TRIM6: variants seen among roughly 807,000 people sequenced by gnomAD.
The protein encoded by TRIM6 is tripartite motif-containing protein 6.
TRIM6 carries 43 observed loss-of-function variants against 51.2 expected under a neutral mutation model. The ratio of observed to expected loss-of-function variants is 0.84; its 90% CI spans 0.66 to 1.08. The LOEUF is 1.08. TRIM6 is among the 50% of genes least tolerant of loss of function. The pLI is 0.00. For synonymous variants in TRIM6, 215 were observed against 232.4 expected, an observed-to-expected ratio of 0.93 and a Z score of 0.68; for missense variants, 669 against 619.0, an observed-to-expected ratio of 1.08 and a Z score of -0.86.
intron 2 of TRIM6, 129 bp from the exon 3 acceptor site, chr11:5,604,405 C>T: frequency 1.0e-6 from 1 of 1,003,164 alleles, no homozygotes; most frequent in Non-Finnish European, 1.4e-6. Context: ...TTGGCCCTCT[C>T]AAGTTTTCAT....
intron 7 of TRIM6, 54 bp from the exon 8 acceptor site, chr11:5,610,723 T>G: frequency 6.3e-7 from 1 of 1,591,008 alleles, no homozygotes; most frequent in Non-Finnish European, 8.6e-7. Flanking sequence ...CTTCTCAGCA[T>G]AACGAGACCC....
chr11:5,601,575 T>C (rs370613548), intron 1 of TRIM6, among the ~76,000 whole-genome samples: 180 of 152,098 alleles, frequency 1.2e-3, no homozygotes, highest in African/African-American at 3.8e-3. Flanking sequence ...CTGGCCAACA[T>C]GGTAAAACCC....
chr11:5,596,991 C>T (rs931882668), intron 1 of TRIM6, 77 bp downstream of exon 1: 2 of 1,605,752 alleles, frequency 1.2e-6, no homozygotes, highest in Non-Finnish European at 1.7e-6. Context: ...GAGATAAGGT[C>T]CTTTCCCTTT....
At chr11:5,598,903 A>G (rs1183628397) in intron 1 of TRIM6, among the ~76,000 whole-genome samples, 1 of 152,160 alleles carries the variant, frequency 6.6e-6, no homozygotes, top group Non-Finnish European at 1.5e-5. Flanking sequence ...ATCATGATAC[A>G]TAAAGGGCAT....
chr11:5,602,646 T>G (rs935257882), intron 1 of TRIM6, among the ~76,000 whole-genome samples: 4 of 151,646 alleles, frequency 2.6e-5, no homozygotes, highest in African/African-American at 9.7e-5. Context: ...TGAGGATATG[T>G]TTTGGGTGAG....
At chr11:5,608,882 A>C in intron 5 of TRIM6, among the ~76,000 whole-genome samples, 1 of 116,134 alleles carries the variant, frequency 8.6e-6, no homozygotes, top group East Asian at 2.5e-4. Context: ...ACAGAGTTTC[A>C]CTCTGTCGCC....
rs915442518 is a variant in TRIM6, at chr11:5,612,075, C to A, written c.*733C>A. The stretch of plus-strand genomic sequence containing the variant: ...TACATTGATTTACTTCAATTTGTTA[C>A]CACAACTTGCTGAAATACACCATTA... On this transcript the variant is annotated 3_prime_UTR_variant, in exon 8 of 8. Transcript: ENST00000380097. 1 of 152,188 alleles carries A rather than the reference C, an allele frequency of 6.6e-6. No individual in the cohort carries two copies. Among genetic ancestry groups the A allele is most frequent in the Admixed American group, 6.5e-5 (1 of 15,286 alleles). 9.4% of individuals were successfully genotyped at this position (152,188 alleles called of 1,614,324 possible). A position where few individuals can be genotyped will look rare whatever the true frequency, so the allele number is the denominator to read the frequency against.
intron 1 of TRIM6, among the ~76,000 whole-genome samples, chr11:5,598,464 G>C (rs1312939065): frequency 1.3e-5 from 2 of 151,962 alleles, no homozygotes. Flanking sequence ...ACTAGAAATA[G>C]AATGAAGCCA....
At position 5,596,746 on chromosome 11, in the gene TRIM6, G is replaced by T. The variant is rs1339925432; in HGVS notation, c.-152G>T. ...TCCCCTGCCTTTCTCGGAACGGAAC[G>T]GAGCAGAGTCGTGCGTGGTTGAGTT... On this transcript the variant is annotated 5_prime_UTR_variant, in exon 1 of 8. Transcript: ENST00000380097. 8.3e-7 allele frequency: 1 copy of T among 1,211,876 alleles called. No homozygotes were observed. The highest frequency in any genetic ancestry group is 2.0e-5 in the Admixed American group (1 of 50,962). 75.1% of individuals were successfully genotyped at this position (1,211,876 alleles called of 1,614,324 possible). A position where few individuals can be genotyped will look rare whatever the true frequency, so the allele number is the denominator to read the frequency against.
intron 4 of TRIM6, among the ~76,000 whole-genome samples, chr11:5,605,833 A>G (rs1848172174): frequency 6.6e-6 from 1 of 152,200 alleles, no homozygotes; most frequent in Non-Finnish European, 1.5e-5. Context: ...GTTCTGTTGT[A>G]TCCAGTGATG....
At chr11:5,607,304 C>T (rs576059940) in intron 4 of TRIM6, among the ~76,000 whole-genome samples, 1 of 152,256 alleles carries the variant, frequency 6.6e-6, no homozygotes, top group African/African-American at 2.4e-5. Context: ...TCGATTTGAT[C>T]ATTTCAGTTC....
intron 5 of TRIM6, among the ~76,000 whole-genome samples, chr11:5,608,873 CAG>C (rs1848391613): frequency 2.2e-5 from 1 of 46,410 alleles, no homozygotes; most frequent in Non-Finnish European, 3.6e-5. Flanking sequence ...TTTTTTGAGA[CAG>C]AGTTTCACTC....
At chr11:5,610,441 TCCTCACCATTCC>T in intron 6 of TRIM6, 82 bp from the exon 7 acceptor site, 13 of 1,606,934 alleles carry the variant, frequency 8.1e-6, no homozygotes, top group Non-Finnish European at 1.1e-5. Context: ...CTCACAGGAT[TCCTCACCATTCC>T]CCTCAATGTA....
At position 5,610,778 on chromosome 11, in the gene TRIM6, T is replaced by G; in HGVS notation, c.987T>G (p.Val329=). 1.2e-6 allele frequency: 2 copies of G among 1,613,896 alleles called. No individual in the cohort carries two copies. The highest frequency in any genetic ancestry group is 1.7e-6 in the Non-Finnish European group (2 of 1,179,844). ...RELTDVQSYW[V]DVTLNPHTAN... Reference sequence around the variant, plus strand: ...CTGATGTTGTACCTTTTCCTACAGTTGACGTGACCCTGAATCCACACACAG... The same window carrying G: ...CTGATGTTGTACCTTTTCCTACAGTGGACGTGACCCTGAATCCACACACAG... The change falls in exon 8 of 8, where the codon GTT becomes GTG. Residue 329 remains valine (V), a splice_region_variant and synonymous_variant. Transcript: ENST00000380097.
chr11:5,608,895 G>C (rs1209327244), intron 5 of TRIM6, among the ~76,000 whole-genome samples: 3 of 128,154 alleles, frequency 2.3e-5, no homozygotes, highest in African/African-American at 3.2e-5. Flanking sequence ...CTGTCGCCCA[G>C]GCTGGAGTGC....
rs985379527 is a variant in TRIM6 at position 5,604,829 on chromosome 11, G to T, written c.603+200G>T. 33 of 543,444 alleles carry T rather than the reference G, an allele frequency of 6.1e-5. No individual in the cohort carries two copies. The Middle Eastern group carries it at 1.5e-3, about 25-fold the overall frequency. 33.7% of individuals were successfully genotyped at this position (543,444 alleles called of 1,614,324 possible). On this transcript the variant is annotated intron_variant, in intron 3 of 7. Coordinates refer to ENST00000380097, the MANE Select transcript of TRIM6 (RefSeq NM_001003818.3). ...AGCAAATATATCAAAACTGAACCTA[G>T]GAGACAATCACATAGCAGAGGAACC...
At chr11:5,599,614 AG>A (rs1270782514) in intron 1 of TRIM6, among the ~76,000 whole-genome samples, 1 of 152,124 alleles carries the variant, frequency 6.6e-6, no homozygotes, top group Non-Finnish European at 1.5e-5. Context: ...CGTGTTAGCC[AG>A]GATGGTCTCG....
rs776515516 is a variant in TRIM6, at chr11:5,610,219, T to C, written c.932T>C (p.Leu311Pro). ...KLRSMFRAPDLKRMLRVCREL... is the reference protein window; with the variant it reads ...KLRSMFRAPDPKRMLRVCREL... ...AGAAGTATGTTCCGAGCCCCAGATC[T>C]GAAAAGGATGCTGCGAGTGTGTAGA... The change falls in exon 6 of 8, where the codon CTG (leucine) becomes CCG (proline). Residue 311 changes from leucine (L) to proline (P), a missense_variant. Physicochemically the swap from Leu to Pro is moderately conservative, Grantham distance 98. Coordinates refer to ENST00000380097, the MANE Select transcript of TRIM6 (RefSeq NM_001003818.3). 1.2e-6 allele frequency: 2 copies of C among 1,614,098 alleles called. No homozygotes were observed. The highest frequency in any genetic ancestry group is 2.2e-5 in the South Asian group (2 of 91,086).
rs777575623 is a variant in TRIM6, at chr11:5,610,561, G to C, written c.985G>C (p.Val329Leu). 1.2e-6 allele frequency: 2 copies of C among 1,613,128 alleles called. No individual in the cohort carries two copies. Among genetic ancestry groups the C allele is most frequent in the Admixed American group, 3.3e-5 (2 of 59,950 alleles). Residue 329 changes from valine (V) to leucine (L), a missense_variant and splice_region_variant, in exon 7 of 8, where the codon GTT (valine) becomes CTT (leucine). Coordinates refer to ENST00000380097, the MANE Select transcript of TRIM6 (RefSeq NM_001003818.3). ...GCTGACAGATGTCCAAAGCTACTGGGGTAAGTAGAAGCCATGGCCTCTTTG... is the reference window on the plus strand; with the variant it reads ...GCTGACAGATGTCCAAAGCTACTGGCGTAAGTAGAAGCCATGGCCTCTTTG... ...RELTDVQSYW[V>L]DVTLNPHTAN...
Sources: gnomAD v4.1 joint callset for allele counts (sites outside exome capture counted in the v4.1 genomes callset) on GRCh38, gnomAD v4.1.1 for gene constraint, MANE v1.5 for transcripts, NCBI Gene and HGNC (gene_info 2026-07-23, HGNC 2026-07-21) for gene names.